SNX9: variants seen among roughly 807,000 people sequenced by gnomAD.
SNX9 encodes the protein sorting nexin-9.
SNX9 carries 44 observed loss-of-function variants against 89.4 expected under a neutral mutation model. The ratio of observed to expected loss-of-function variants is 0.49; its 90% CI spans 0.39 to 0.63. The LOEUF is 0.63. Among genes scored for constraint, SNX9 ranks in the 30% least tolerant of loss-of-function variants. The probability of loss-of-function intolerance (pLI) is 0.00; values close to 1 mark genes in which losing one functional copy is unlikely to be tolerated. For synonymous variants in SNX9, 236 were observed against 247.8 expected, an observed-to-expected ratio of 0.95 and a Z score of 0.45; for missense variants, 578 against 736.1, an observed-to-expected ratio of 0.79 and a Z score of 2.49.
At chr6:157,844,600 G>GTTTGTTTT (rs1781767359) in intron 1 of SNX9, among the ~76,000 whole-genome samples, 6 of 131,806 alleles carry the variant, frequency 4.6e-5, no homozygotes, top group African/African-American at 1.4e-4. Context: ...TTTTTTTTTT[G>GTTTGTTTT]TTTTTTTTTT....
chr6:157,904,664 C>T (rs549831935), intron 6 of SNX9, among the ~76,000 whole-genome samples: 3 of 151,998 alleles, frequency 2.0e-5, no homozygotes, highest in South Asian at 2.1e-4. Context: ...GAGCCGAGAT[C>T]GCGCCACTGT....
At chr6:157,938,795 C>G (rs781771138) in intron 16 of SNX9, 48 bp downstream of exon 16, 13 of 1,413,716 alleles carry the variant, frequency 9.2e-6, no homozygotes, top group African/African-American at 1.4e-5. Context: ...TTTTTTTTTC[C>G]CCAGCAAAGT....
intron 4 of SNX9, among the ~76,000 whole-genome samples, chr6:157,882,332 C>T (rs919794469): frequency 3.3e-5 from 5 of 152,194 alleles, no homozygotes; most frequent in African/African-American, 1.2e-4. Flanking sequence ...TGCTCATTGA[C>T]AATGCCCCTG....
At chr6:157,925,599 C>T (rs78301134) in intron 10 of SNX9, among the ~76,000 whole-genome samples, 1,626 of 152,066 alleles carry the variant, frequency 0.011, 53 homozygotes, top group African/African-American at 0.037. Flanking sequence ...GGGGATTACT[C>T]ATAAAGTAGA....
intron 2 of SNX9, 42 bp downstream of exon 2, chr6:157,867,675 C>T (rs1455095723): frequency 6.8e-7 from 1 of 1,468,672 alleles, no homozygotes; most frequent in Non-Finnish European, 9.4e-7. Context: ...CCCATGTGGA[C>T]TTATTTTTAA....
At chr6:157,921,740 TA>T in intron 10 of SNX9, 79 bp downstream of exon 10, 2 of 1,462,568 alleles carry the variant, frequency 1.4e-6, no homozygotes. Context: ...TGAAAGGAGT[TA>T]AAATTATGTT....
chr6:157,897,054 C>T, intron 5 of SNX9, 56 bp downstream of exon 5: 4 of 1,483,816 alleles, frequency 2.7e-6, no homozygotes, highest in Non-Finnish European at 3.6e-6. Context: ...GTGGGAGAGA[C>T]AGGGAAGACC....
chr6:157,937,616 A>T, intron 15 of SNX9, 93 bp downstream of exon 15: 4 of 868,188 alleles, frequency 4.6e-6, no homozygotes, highest in East Asian at 2.6e-5. Flanking sequence ...GTTTATTATT[A>T]AAAAAGAAAC....
At chr6:157,935,128 G>T (rs1783897199) in intron 13 of SNX9, among the ~76,000 whole-genome samples, 1 of 152,198 alleles carries the variant, frequency 6.6e-6, no homozygotes, top group Non-Finnish European at 1.5e-5. Context: ...AAACTATAAA[G>T]AGAAAGAATT....
At position 157,935,743 on chromosome 6, in the gene SNX9, C is replaced by T. The variant is rs536311492; in HGVS notation, c.1367-221C>T. 1.2e-4 allele frequency among the ~76,000 whole-genome samples: 18 copies of T among 152,214 alleles called. 1 individual carries two copies. Among genetic ancestry groups the T allele is most frequent in the African/African-American group, 4.1e-4 (17 of 41,532 alleles). On this transcript the variant is annotated intron_variant, in intron 13 of 17. Coordinates refer to ENST00000392185, the MANE Select transcript of SNX9 (RefSeq NM_016224.5). ...GATTTATGAATGAGATGCTGATGTC[C>T]GGTGAAAGCGGGTCGGGGTGTAGAC...
intron 10 of SNX9, among the ~76,000 whole-genome samples, chr6:157,922,966 A>G (rs1227466842): frequency 6.6e-6 from 1 of 152,108 alleles, no homozygotes; most frequent in Non-Finnish European, 1.5e-5. Flanking sequence ...CTTTAACAAG[A>G]GCTTATTTGA....
chr6:157,901,309 T>A (rs1444500680), intron 5 of SNX9, among the ~76,000 whole-genome samples: 1 of 152,240 alleles, frequency 6.6e-6, no homozygotes, highest in African/African-American at 2.4e-5. Context: ...TCATTTTGAT[T>A]GTTTCCTTTG....
At chr6:157,942,322 CAG>C (rs1784051472) in intron 17 of SNX9, among the ~76,000 whole-genome samples, 1 of 152,190 alleles carries the variant, frequency 6.6e-6, no homozygotes, top group Non-Finnish European at 1.5e-5. Context: ...GGCCCTGGCG[CAG>C]AGACCACTGC....
intron 9 of SNX9, among the ~76,000 whole-genome samples, chr6:157,913,821 T>G (rs936520581): frequency 6.6e-6 from 1 of 152,250 alleles, no homozygotes; most frequent in Admixed American, 6.5e-5. Context: ...TTTTGTTGTG[T>G]CAATAGTTTG....
Position 157,932,063 on chromosome 6 carries a change from C to T in SNX9, c.1289-132C>T. 4.3e-6 allele frequency: 3 copies of T among 691,622 alleles called. No individual in the cohort carries two copies. In the Admixed American group the frequency reaches 8.2e-5, roughly 19 times the overall value. The allele number at this position is 691,622 out of a possible 1,614,324, so 42.8% of individuals were successfully genotyped here. Reference sequence around the variant, plus strand: ...ATTGAAAAAACAATCACTTTTGCAACAGTATTTTGTGAAGGAATATATAGA... The same window carrying T: ...ATTGAAAAAACAATCACTTTTGCAATAGTATTTTGTGAAGGAATATATAGA... On this transcript the variant is annotated intron_variant, in intron 12 of 17. Transcript: ENST00000392185.
Position 157,896,969 on chromosome 6 carries a change from T to C in SNX9, c.443T>C (p.Phe148Ser). 6.2e-7 allele frequency: 1 copy of C among 1,610,212 alleles called. No homozygotes were observed. The highest frequency in any genetic ancestry group is 2.2e-5 in the East Asian group (1 of 44,864). The stretch of plus-strand genomic sequence containing the variant: ...ACTCCCAACAACTGGGACACTGCCT[T>C]CGGCCACCCCCAGGCCTACCAAGGA... The part of the protein sequence containing the change: ...TNTPNNWDTA[F>S]GHPQAYQGPA... Residue 148 changes from phenylalanine to serine, a missense_variant, in exon 5 of 18, where the codon TTC becomes TCC. Phe to Ser is a radical substitution (Grantham distance 155). Around this residue, in one of 2 missense-constraint regions of SNX9, gnomAD observed 230 missense variants for 244.7 expected, o/e 0.94. Coordinates refer to ENST00000392185, the MANE Select transcript of SNX9 (RefSeq NM_016224.5).
chr6:157,937,584 G>C (rs1198503957), intron 15 of SNX9, 61 bp downstream of exon 15: 1 of 1,112,040 alleles, frequency 9.0e-7, no homozygotes, highest in Non-Finnish European at 1.4e-6. Flanking sequence ...GATGTGCGCA[G>C]TAGTCAGTAT....
rs144609838 is a variant in SNX9 at position 157,875,639 on chromosome 6, A to G, written c.300+463A>G. Among the ~76,000 whole-genome samples the G allele has an allele frequency of 2.7e-3, 412 of 152,330 alleles. 2 individuals are homozygous for G. The highest frequency in any genetic ancestry group is 9.4e-3 in the African/African-American group (391 of 41,580). ...GTAGAAGCAGTGCCTGTGAAAGTCT[A>G]CCAGATCCAGGCACTCAGCACTTGG... On this transcript the variant is annotated intron_variant, in intron 4 of 17. Transcript: ENST00000392185.
intron 17 of SNX9, 35 bp downstream of exon 17, chr6:157,941,009 T>C (rs1784025662): frequency 6.4e-7 from 1 of 1,558,282 alleles, no homozygotes; most frequent in Admixed American, 1.7e-5. Context: ...CGCATGTGCT[T>C]GAGGAGAGGG....
Sources: gnomAD v4.1 joint callset for allele counts (sites outside exome capture counted in the v4.1 genomes callset) on GRCh38, gnomAD v4.1.1 for gene constraint, gnomAD v4.1.1 regional missense constraint, MANE v1.5 for transcripts, NCBI Gene and HGNC (gene_info 2026-07-23, HGNC 2026-07-21) for gene names.